LRP1B: variants seen among roughly 807,000 people sequenced by gnomAD.
LRP1B encodes LDL receptor related protein 1B, also known as low-density lipoprotein receptor-related protein 1B.
In LRP1B, 217 loss-of-function variants were observed where a neutral mutation model predicts 556.6. The ratio of observed to expected loss-of-function variants is 0.39; its 90% confidence interval spans 0.35 to 0.44. LRP1B has a LOEUF of 0.44. Among genes scored for constraint, LRP1B ranks in the 20% least tolerant of loss-of-function variants. The probability of loss-of-function intolerance (pLI) is 1.00; values close to 1 mark genes in which losing one functional copy is unlikely to be tolerated. For synonymous variants in LRP1B, 2,047 were observed against 1,865.8 expected (o/e 1.10, Z -2.50); for missense variants, 5,053 against 5,620.8 (o/e 0.90, Z 3.23).
chr2:141,170,811 G>A (rs1001328479), intron 7 of LRP1B, among the ~76,000 whole-genome samples: 2 of 152,078 alleles, frequency 1.3e-5, no homozygotes, highest in Non-Finnish European at 2.9e-5. Context: ...TCATAGCTCA[G>A]TGATTACACA....
At chr2:140,396,037 C>G (rs982634614) in intron 66 of LRP1B, among the ~76,000 whole-genome samples, 3 of 152,116 alleles carry the variant, frequency 2.0e-5, no homozygotes, top group African/African-American at 7.2e-5. Context: ...TTTCCATCAG[C>G]CTGCAGTATT....
intron 7 of LRP1B, among the ~76,000 whole-genome samples, chr2:141,094,315 T>C (rs978774179): frequency 1.3e-5 from 2 of 152,166 alleles, no homozygotes; most frequent in Non-Finnish European, 1.5e-5. Context: ...ACCTTAAAAT[T>C]TGAAAACAAT....
At chr2:140,365,078 T>C (rs1682696309) in intron 71 of LRP1B, among the ~76,000 whole-genome samples, 1 of 151,828 alleles carries the variant, frequency 6.6e-6, no homozygotes, top group African/African-American at 2.4e-5. Flanking sequence ...CTGCTTCACA[T>C]AATTTTTATG....
chr2:141,675,399 T>G (rs983671217), intron 2 of LRP1B, among the ~76,000 whole-genome samples: 1 of 151,858 alleles, frequency 6.6e-6, no homozygotes, highest in African/African-American at 2.4e-5. Flanking sequence ...TTTGTAAAAT[T>G]TCAATACAAT....
At chr2:141,660,103 G>T (rs1558786983) in intron 2 of LRP1B, among the ~76,000 whole-genome samples, 1 of 151,934 alleles carries the variant, frequency 6.6e-6, no homozygotes, top group Non-Finnish European at 1.5e-5. Context: ...AATGGAGAGT[G>T]AATCCTACAC....
chr2:140,940,374 CAAT>C (rs1302880299), intron 20 of LRP1B, among the ~76,000 whole-genome samples: 1 of 152,036 alleles, frequency 6.6e-6, no homozygotes, highest in Non-Finnish European at 1.5e-5. Context: ...AAACTGTCAA[CAAT>C]GAGATGAGAT....
intron 59 of LRP1B, among the ~76,000 whole-genome samples, chr2:140,477,043 A>G (rs907367613): frequency 6.6e-6 from 1 of 152,098 alleles, no homozygotes; most frequent in Non-Finnish European, 1.5e-5. Context: ...AGTGAAATAC[A>G]TCTTCTAAGA....
chr2:142,009,578 A>G (rs1317012734), intron 1 of LRP1B, among the ~76,000 whole-genome samples: 1 of 152,194 alleles, frequency 6.6e-6, no homozygotes, highest in African/African-American at 2.4e-5. Context: ...ACTTCTAAAA[A>G]GAGTGTCCAT....
chr2:141,373,274 A>G (rs559429645), intron 3 of LRP1B, among the ~76,000 whole-genome samples: 1 of 152,188 alleles, frequency 6.6e-6, no homozygotes, highest in Admixed American at 6.5e-5. Context: ...ACTCTAGTCT[A>G]TTTTGGAGAA....
intron 41 of LRP1B, among the ~76,000 whole-genome samples, chr2:140,647,097 C>G (rs1031432220): frequency 6.6e-6 from 1 of 152,064 alleles, no homozygotes; most frequent in African/African-American, 2.4e-5. Flanking sequence ...AGTTTTTCTC[C>G]GCATTTAAAT....
chr2:141,062,426 T>C (rs1699361195), intron 7 of LRP1B, among the ~76,000 whole-genome samples, 153 bp from the exon 8 acceptor site: 1 of 151,878 alleles, frequency 6.6e-6, no homozygotes, highest in South Asian at 2.1e-4. Flanking sequence ...ATATCACTCA[T>C]AAACAGAGAA....
At chr2:142,086,919 T>C (rs1009082873) in intron 1 of LRP1B, among the ~76,000 whole-genome samples, 11 of 152,152 alleles carry the variant, frequency 7.2e-5, no homozygotes, top group South Asian at 2.1e-4. Flanking sequence ...TTTTCTTTTC[T>C]GCCTCTGTGA....
Position 141,492,306 on chromosome 2 carries a change from A to G in LRP1B, c.206-11773T>C, listed in dbSNP as rs1486280768. Among the ~76,000 whole-genome samples, 3 of 152,240 alleles carry G rather than the reference A, an allele frequency of 2.0e-5. No homozygotes were observed. The East Asian group carries it at 5.8e-4, about 29-fold the overall frequency. ...CAAAAACTGGAAAACAAGCATTTTT[A>G]TTTTATAGATCTCCCTTAAGACAAC... On this transcript the variant is annotated intron_variant, in intron 2 of 90. Coordinates refer to ENST00000389484, the MANE Select transcript of LRP1B (RefSeq NM_018557.3).
chr2:141,669,836 C>A (rs1690595146), intron 2 of LRP1B, among the ~76,000 whole-genome samples: 1 of 152,092 alleles, frequency 6.6e-6, no homozygotes, highest in Non-Finnish European at 1.5e-5. Context: ...CTCACTGCAA[C>A]CTCTGTCTCC....
chr2:140,380,075 A>G (rs1295705525), intron 67 of LRP1B, among the ~76,000 whole-genome samples: 1 of 152,212 alleles, frequency 6.6e-6, no homozygotes, highest in Non-Finnish European at 1.5e-5. Context: ...AATGAAAAGT[A>G]CTTGAATTAA....
At chr2:141,544,377 T>TCC (rs1685460887) in intron 2 of LRP1B, among the ~76,000 whole-genome samples, 18 of 115,844 alleles carry the variant, frequency 1.6e-4, no homozygotes, top group African/African-American at 4.7e-4. Context: ...CTTCTTCTTC[T>TCC]TCTTCTCCTC....
In LRP1B at chr2:140,943,604, T is replaced by G. The variant is rs147582868; in HGVS notation, c.3136+6631A>C. The stretch of plus-strand genomic sequence containing the variant: ...ATAGTGAAATAGAAATAGAAATCAA[T>G]AGCCAGAGGAACTCTCAAAACCACC... On this transcript the variant is annotated intron_variant, in intron 20 of 90. Transcript: ENST00000389484. Among the ~76,000 whole-genome samples, 802 of 152,100 alleles carry G rather than the reference T, an allele frequency of 5.3e-3. 8 individuals are homozygous for G. The highest frequency in any genetic ancestry group is 0.018 in the African/African-American group (758 of 41,524).
At chr2:142,006,241 A>G (rs1305808190) in intron 1 of LRP1B, among the ~76,000 whole-genome samples, 1 of 152,222 alleles carries the variant, frequency 6.6e-6, no homozygotes, top group Non-Finnish European at 1.5e-5. Flanking sequence ...TTGTAACCCA[A>G]TAAAGTTTTC....
At chr2:141,172,344 G>A (rs1304298742) in intron 7 of LRP1B, among the ~76,000 whole-genome samples, 9 of 152,022 alleles carry the variant, frequency 5.9e-5, no homozygotes, top group African/African-American at 2.2e-4. Flanking sequence ...AAGACATAAT[G>A]CAATGTTCTT....
Sources: gnomAD v4.1 joint callset for allele counts (sites outside exome capture counted in the v4.1 genomes callset) on GRCh38, gnomAD v4.1.1 for gene constraint, MANE v1.5 for transcripts, NCBI Gene and HGNC (gene_info 2026-07-23, HGNC 2026-07-21) for gene names.